MCM8: variants seen among roughly 807,000 people sequenced by gnomAD.
The protein encoded by MCM8 is minichromosome maintenance 8 homologous recombination repair factor.
Under a neutral mutation model 98.9 loss-of-function variants are expected in MCM8, and 85 were observed. That is an observed-to-expected ratio of 0.86 (90% CI 0.72 to 1.03). The LOEUF (loss-of-function observed/expected upper bound fraction) is 1.03, where lower values mean the gene tolerates loss of function less well. MCM8 is among the 50% of genes least tolerant of loss of function. The probability of loss-of-function intolerance (pLI) is 0.00; values close to 1 mark genes in which losing one functional copy is unlikely to be tolerated. For missense variants in MCM8, 951 were observed against 997.8 expected, an observed-to-expected ratio of 0.95 and a Z score of 0.63; for synonymous variants, 352 against 338.6, an observed-to-expected ratio of 1.04 and a Z score of -0.44.
chr20:5,951,889 C>T, intron 1 of MCM8, 122 bp from the exon 2 acceptor site: 2 of 1,127,592 alleles, frequency 1.8e-6, no homozygotes, highest in Non-Finnish European at 2.4e-6. Flanking sequence ...TACAACTTTG[C>T]AAGCCTGTTT....
chr20:5,983,191 T>G (rs1341404416), intron 14 of MCM8, 26 bp downstream of exon 14: 1 of 1,553,400 alleles, frequency 6.4e-7, no homozygotes, highest in African/African-American at 1.4e-5. Flanking sequence ...TATTTATACC[T>G]TTAATGTATT....
chr20:5,980,472 G>A (rs544639247), intron 13 of MCM8, among the ~76,000 whole-genome samples: 22 of 152,070 alleles, frequency 1.4e-4, no homozygotes, highest in African/African-American at 4.8e-4. Flanking sequence ...CATGTATCTC[G>A]TTATTATATA....
At chr20:5,978,954 T>C (rs528963081) in intron 13 of MCM8, among the ~76,000 whole-genome samples, 14 of 152,318 alleles carry the variant, frequency 9.2e-5, no homozygotes, top group African/African-American at 3.1e-4. Context: ...AGTCCAGGCA[T>C]AGGGCCCAGC....
At chr20:5,971,940 AGAG>A in intron 10 of MCM8, 64 bp from the exon 11 acceptor site, 3 of 1,376,788 alleles carry the variant, frequency 2.2e-6, no homozygotes, top group South Asian at 1.2e-5. Flanking sequence ...AACAAATTGT[AGAG>A]GAGATCTCCT....
intron 7 of MCM8, among the ~76,000 whole-genome samples, chr20:5,962,139 C>T (rs1228559657): frequency 6.6e-6 from 1 of 152,088 alleles, no homozygotes; most frequent in Non-Finnish European, 1.5e-5. Context: ...CTAGTTTGGG[C>T]TTCTTGCACA....
At chr20:5,992,134 G>GT (rs942308771) in intron 17 of MCM8, among the ~76,000 whole-genome samples, 3 of 152,110 alleles carry the variant, frequency 2.0e-5, no homozygotes, top group African/African-American at 7.2e-5. Context: ...AAAGATCATT[G>GT]TTTTTTTCTA....
At chr20:5,955,673 T>A (rs191182493) in intron 5 of MCM8, among the ~76,000 whole-genome samples, 2 of 152,246 alleles carry the variant, frequency 1.3e-5, no homozygotes, top group Non-Finnish European at 2.9e-5. Flanking sequence ...TCCCTGTATA[T>A]CAAATGTAAA....
intron 17 of MCM8, among the ~76,000 whole-genome samples, chr20:5,989,064 G>A (rs1021748889): frequency 1.3e-5 from 2 of 150,466 alleles, no homozygotes; most frequent in African/African-American, 4.9e-5. Context: ...GACGAATACG[G>A]TTCTGATACA....
At chr20:5,988,683 A>T (rs1036174163) in intron 17 of MCM8, among the ~76,000 whole-genome samples, 1 of 152,202 alleles carries the variant, frequency 6.6e-6, no homozygotes, top group African/African-American at 2.4e-5. Flanking sequence ...ATATCCTCTG[A>T]TAGCAATGAA....
rs1265392499 is a variant in MCM8, at chr20:5,993,489, C to T, written c.2241-17C>T. ...GCAGTGCTACATTGGGTAATTTTTTCTTCCTTTCTTTTTAAGCATGCTAGG... is the reference window on the plus strand; with the variant it reads ...GCAGTGCTACATTGGGTAATTTTTTTTTCCTTTCTTTTTAAGCATGCTAGG... On this transcript the variant is annotated splice_polypyrimidine_tract_variant and intron_variant, in intron 17 of 18. Coordinates refer to ENST00000610722, the MANE Select transcript of MCM8 (RefSeq NM_032485.6). The T allele has an allele frequency of 2.0e-6, 3 of 1,498,976 alleles. No homozygotes were observed. Among genetic ancestry groups the T allele is most frequent in the Non-Finnish European group, 2.7e-6 (3 of 1,114,384 alleles). 92.9% of individuals were successfully genotyped at this position (1,498,976 alleles called of 1,614,324 possible). A position where few individuals can be genotyped will look rare whatever the true frequency, so the allele number is the denominator to read the frequency against.
intron 12 of MCM8, among the ~76,000 whole-genome samples, chr20:5,975,211 G>T (rs1208547575): frequency 6.6e-6 from 1 of 151,676 alleles, no homozygotes; most frequent in African/African-American, 2.4e-5. Context: ...GGGAGCCATC[G>T]TTATGCAACT....
chr20:5,994,354 A>G lies in MCM8; in HGVS notation c.2486A>G (p.Lys829Arg), dbSNP rs200878801. ...CTAAATGACCAGGGTTACCTCTTGA[A>G]AAAAGGCCCAAAAGTTTACCAGCTT... ...GSLNDQGYLL[K>R]KGPKVYQLQT... Residue 829 changes from lysine (K) to arginine (R), a missense_variant, in exon 19 of 19, where the codon AAA becomes AGA. Coordinates refer to ENST00000610722, the MANE Select transcript of MCM8 (RefSeq NM_032485.6). The G allele has an allele frequency of 3.1e-6, 5 of 1,610,452 alleles. No individual in the cohort carries two copies. The highest frequency in any genetic ancestry group is 4.5e-5 in the East Asian group (2 of 44,730).
chr20:5,952,382 G>A (rs2088854680), intron 2 of MCM8, 42 bp from the exon 3 acceptor site: 2 of 1,597,064 alleles, frequency 1.3e-6, no homozygotes, highest in Non-Finnish European at 1.7e-6. Context: ...TTGGAAAAAT[G>A]TTCACTCTGT....
At chr20:5,988,173 A>C (rs752359133) in intron 17 of MCM8, among the ~76,000 whole-genome samples, 2 of 151,966 alleles carry the variant, frequency 1.3e-5, no homozygotes, top group Non-Finnish European at 2.9e-5. Context: ...AAGTTCAAAA[A>C]GTATAGGCCA....
chr20:5,962,352 CTTTTTTTTTT>C (rs926577182), intron 7 of MCM8, among the ~76,000 whole-genome samples: 31 of 40,568 alleles, frequency 7.6e-4, no homozygotes, highest in Admixed American at 1.1e-3. Context: ...GCCTTCATTT[CTTTTTTTTTT>C]TTTTTTTTTT....
intron 11 of MCM8, 63 bp downstream of exon 11, chr20:5,972,100 A>G (rs2089416613): frequency 3.0e-6 from 4 of 1,337,378 alleles, no homozygotes; most frequent in Non-Finnish European, 4.2e-6. Flanking sequence ...AACATATAAA[A>G]ACTTTACAGA....
intron 8 of MCM8, chr20:5,965,300 C>G (rs911348303): frequency 1.3e-5 from 2 of 152,188 alleles, no homozygotes; most frequent in African/African-American, 2.4e-5. Context: ...GACAGTTTAT[C>G]CCCCCTTAGC....
chr20:5,984,987 C>G lies in MCM8; in HGVS notation c.1940C>G (p.Ser647Ter). ...GAAGTAGTTTCTGAGAAGCCATTAT[C>G]AGAAAGACTAAAGGTATAAATGTTT... ...VLEVVSEKPL[S>*]ERLKVVPGET... Residue 647 changes from serine (S) to a stop codon, truncating the protein, a stop_gained, in exon 15 of 19, where the codon TCA becomes TGA. Transcript: ENST00000610722. LOFTEE classifies it high-confidence loss of function. 1 of 1,613,126 alleles carries G rather than the reference C, an allele frequency of 6.2e-7. No individual in the cohort carries two copies. The highest frequency in any genetic ancestry group is 8.5e-7 in the Non-Finnish European group (1 of 1,179,228).
chr20:5,956,148 C>CT (rs571270555), intron 5 of MCM8, among the ~76,000 whole-genome samples: 52 of 152,324 alleles, frequency 3.4e-4, no homozygotes, highest in African/African-American at 1.0e-3. Context: ...ACACAAAGTG[C>CT]TGGGGCATTC....
Sources: gnomAD v4.1 joint callset for allele counts (sites outside exome capture counted in the v4.1 genomes callset) on GRCh38, gnomAD v4.1.1 for gene constraint, MANE v1.5 for transcripts, NCBI Gene and HGNC (gene_info 2026-07-23, HGNC 2026-07-21) for gene names.